ATP8B1: variants seen among roughly 807,000 people sequenced by gnomAD.
ATP8B1 encodes the protein phospholipid-transporting ATPase IC.
In ATP8B1, 80 loss-of-function variants were observed where a neutral mutation model predicts 149.9. The observed-to-expected ratio is 0.53, with a 90% CI of 0.45 to 0.64. The LOEUF (loss-of-function observed/expected upper bound fraction) is 0.64, where lower values mean the gene tolerates loss of function less well. ATP8B1 is among the 30% of genes least tolerant of loss of function. The pLI, the probability that ATP8B1 is intolerant of heterozygous loss-of-function variation, is 0.00. For synonymous variants in ATP8B1, 536 were observed against 562.8 expected, an observed-to-expected ratio of 0.95 and a Z score of 0.67; for missense variants, 1,247 against 1,552.6, an observed-to-expected ratio of 0.80 and a Z score of 3.31.
rs549280684 is a variant in ATP8B1, at chr18:57,758,573, G to A, written c.-25-26741C>T. 3.0e-3 allele frequency among the ~76,000 whole-genome samples: 447 copies of A among 150,242 alleles called. 3 individuals are homozygous for A. The highest frequency in any genetic ancestry group is 0.01 in the African/African-American group (415 of 40,812). ...TGAGGCAGGAGAATTGCTTGAACTC[G>A]GGAGGCAGAGGTTGTGGTGAGCCAA... On this transcript the variant is annotated intron_variant, in intron 1 of 27. Transcript: ENST00000648908.
At chr18:57,677,817 A>C (rs1599105502) in intron 15 of ATP8B1, among the ~76,000 whole-genome samples, 1 of 152,348 alleles carries the variant, frequency 6.6e-6, no homozygotes, top group East Asian at 1.9e-4. Context: ...AAGTTGGCAC[A>C]GCGATATATG....
At chr18:57,652,384 CA>C (rs1165848937) in intron 25 of ATP8B1, 99 bp downstream of exon 25, 1 of 1,535,256 alleles carries the variant, frequency 6.5e-7, no homozygotes, top group Non-Finnish European at 9.0e-7. Context: ...GTAAGTGGCA[CA>C]GGTGCAGTGG....
Position 57,784,296 on chromosome 18 carries a change from T to C in ATP8B1, c.-26+18702A>G, listed in dbSNP as rs1467593849. On this transcript the variant is annotated intron_variant, in intron 1 of 27. Coordinates refer to ENST00000648908, the MANE Select transcript of ATP8B1 (RefSeq NM_001374385.1). The surrounding 1 kb of genome is among the most constrained non-coding windows in gnomAD (Gnocchi z 4.4). ...GGTAGCTGTTGTTAAAACCACAGCA[T>C]GAGCTACTGCAAGGGTTGGCAGGAT... is the stretch of plus-strand genomic sequence containing the variant. 2.6e-5 allele frequency among the ~76,000 whole-genome samples: 4 copies of C among 152,158 alleles called. No individual in the cohort carries two copies. Among genetic ancestry groups the C allele is most frequent in the Non-Finnish European group, 4.4e-5 (3 of 68,028 alleles).
In ATP8B1 at chr18:57,662,341, C is replaced by A. The variant is rs1405977733; in HGVS notation, c.2418+142G>T. On this transcript the variant is annotated intron_variant, in intron 21 of 27. Transcript: ENST00000648908. The stretch of plus-strand genomic sequence containing the variant: ...TTTCATATATCATATATTATTAAGT[C>A]TCAAACTTGGAAAAACCACACTTTC... The A allele has an allele frequency of 8.4e-6, 8 of 952,850 alleles. No homozygotes were observed. In the Admixed American group the frequency reaches 1.9e-4, roughly 23 times the overall value. 59.0% of individuals were successfully genotyped at this position (952,850 alleles called of 1,614,324 possible). A position where few individuals can be genotyped will look rare whatever the true frequency, so the allele number is the denominator to read the frequency against.
chr18:57,789,295 C>T (rs992572052), intron 1 of ATP8B1, among the ~76,000 whole-genome samples: 2 of 152,176 alleles, frequency 1.3e-5, no homozygotes, highest in Admixed American at 6.5e-5. Context: ...TTCCAACCTT[C>T]GGCTGTGAGG....
At chr18:57,713,205 T>C (rs1359563179) in intron 2 of ATP8B1, among the ~76,000 whole-genome samples, 1 of 108,584 alleles carries the variant, frequency 9.2e-6, no homozygotes, top group African/African-American at 3.8e-5. Context: ...CTTTCCTTCC[T>C]TCCTTCCTTC....
intron 24 of ATP8B1, among the ~76,000 whole-genome samples, chr18:57,653,716 G>A (rs1237758700): frequency 2.8e-5 from 4 of 145,340 alleles, no homozygotes; most frequent in Non-Finnish European, 4.5e-5. Context: ...CTTAGAGATG[G>A]GGTCTCACTT....
At chr18:57,734,616 C>T (rs1449220077) in intron 1 of ATP8B1, among the ~76,000 whole-genome samples, 1 of 152,102 alleles carries the variant, frequency 6.6e-6, no homozygotes, top group East Asian at 1.9e-4. Context: ...TTCATTATTA[C>T]AAAGAACAAC....
rs750288524 is a variant in ATP8B1, at chr18:57,695,466, T to G, written c.765A>C (p.Thr255=). 6.2e-7 allele frequency: 1 copy of G among 1,612,446 alleles called. No homozygotes were observed. The highest frequency in any genetic ancestry group is 1.1e-5 in the South Asian group (1 of 91,054). Reference sequence around the variant, plus strand: ...GGTACAAACCATCAAATGTAGCCAATGTATCTTCTCTTTGGAGGTACTGGT... The same window carrying G: ...GGTACAAACCATCAAATGTAGCCAAGGTATCTTCTCTTTGGAGGTACTGGT... ...ITDQYLQRED[T]LATFDGFIEC... Residue 255 remains threonine (T), a synonymous_variant, in exon 9 of 28, where the codon ACA becomes ACC. Transcript: ENST00000648908.
intron 1 of ATP8B1, among the ~76,000 whole-genome samples, chr18:57,786,266 C>T (rs559786287): frequency 3.8e-4 from 58 of 152,318 alleles, no homozygotes; most frequent in African/African-American, 1.3e-3. Context: ...CACATCTGTC[C>T]TGCTTCTCAC....
intron 1 of ATP8B1, among the ~76,000 whole-genome samples, chr18:57,756,574 A>G (rs1037480083): frequency 6.6e-6 from 1 of 152,030 alleles, no homozygotes; most frequent in Non-Finnish European, 1.5e-5. Flanking sequence ...GTGAGATTAC[A>G]GGCGTGAGCC....
At chr18:57,711,748 G>C (rs144985419) in intron 2 of ATP8B1, among the ~76,000 whole-genome samples, 1 of 152,018 alleles carries the variant, frequency 6.6e-6, no homozygotes, top group African/African-American at 2.4e-5. Context: ...GCACGCCATC[G>C]TACCTAATTT....
chr18:57,653,468 T>A (rs548769424), intron 24 of ATP8B1, among the ~76,000 whole-genome samples: 1 of 151,884 alleles, frequency 6.6e-6, no homozygotes, highest in Admixed American at 6.6e-5. Flanking sequence ...AATTTTTCTG[T>A]AGAGATGGGG....
intron 1 of ATP8B1, among the ~76,000 whole-genome samples, chr18:57,766,186 G>A (rs1442861299): frequency 1.3e-5 from 2 of 151,402 alleles, no homozygotes; most frequent in African/African-American, 4.8e-5. Context: ...TGGGATTACA[G>A]GTGCCTGCCA....
At chr18:57,679,592 T>C (rs993712681) in intron 15 of ATP8B1, among the ~76,000 whole-genome samples, 1 of 152,224 alleles carries the variant, frequency 6.6e-6, no homozygotes, top group African/African-American at 2.4e-5. Context: ...CCTGATTCCC[T>C]AGCTTCAGGG....
At chr18:57,721,254 T>C (rs1242631197) in intron 2 of ATP8B1, among the ~76,000 whole-genome samples, 1 of 147,288 alleles carries the variant, frequency 6.8e-6, no homozygotes, top group African/African-American at 2.5e-5. Context: ...CAATATTCAC[T>C]TTAAATGTAA....
At chr18:57,651,933 C>A in intron 26 of ATP8B1, 101 bp downstream of exon 26, 1 of 1,433,064 alleles carries the variant, frequency 7.0e-7, no homozygotes, top group South Asian at 1.2e-5. Flanking sequence ...TGTGCCCAGC[C>A]ATTCCACCTT....
chr18:57,770,205 AC>A (rs1453502001), intron 1 of ATP8B1, among the ~76,000 whole-genome samples: 6 of 151,884 alleles, frequency 4.0e-5, no homozygotes, highest in Admixed American at 1.3e-4. Flanking sequence ...AGTAGCTGGG[AC>A]TACAGGTGCA....
At chr18:57,760,972 G>C (rs766052534) in intron 1 of ATP8B1, among the ~76,000 whole-genome samples, 1 of 150,840 alleles carries the variant, frequency 6.6e-6, no homozygotes, top group Non-Finnish European at 1.5e-5. Context: ...CTGGGCAACA[G>C]AGCGAGACTC....
Sources: gnomAD v4.1 joint callset for allele counts (sites outside exome capture counted in the v4.1 genomes callset) on GRCh38, gnomAD v4.1.1 for gene constraint, Gnocchi (gnomAD v3.1) non-coding constraint, MANE v1.5 for transcripts, NCBI Gene and HGNC (gene_info 2026-07-23, HGNC 2026-07-21) for gene names.